The following ROR1 variants were observed in gnomAD, a reference collection of about 807,000 sequenced individuals.
ROR1 encodes ROR family WNT receptor 1.
ROR1 carries 19 observed loss-of-function variants against 78.8 expected under a neutral mutation model. The ratio of observed to expected loss-of-function variants is 0.24; its 90% CI spans 0.17 to 0.35. ROR1 has a LOEUF of 0.35. Ranked by LOEUF, ROR1 falls within the 10% of genes least tolerant of loss-of-function variation. The probability of loss-of-function intolerance (pLI) is 1.00; values close to 1 mark genes in which losing one functional copy is unlikely to be tolerated. For synonymous variants in ROR1, 386 were observed against 433.6 expected, an observed-to-expected ratio of 0.89 and a Z score of 1.36; for missense variants, 917 against 1,177.8, an observed-to-expected ratio of 0.78 and a Z score of 3.24.
chr1:64,154,502 A>G (rs544499379), intron 7 of ROR1, among the ~76,000 whole-genome samples: 5 of 152,318 alleles, frequency 3.3e-5, no homozygotes, highest in Admixed American at 2.6e-4. Flanking sequence ...TTTTAACTCA[A>G]AGTAATATCC....
intron 1 of ROR1, among the ~76,000 whole-genome samples, chr1:63,994,757 C>T (rs888650288): frequency 2.0e-5 from 3 of 152,204 alleles, no homozygotes; most frequent in Non-Finnish European, 4.4e-5. Flanking sequence ...AAATGGATGA[C>T]CACATTCCAT....
chr1:63,962,376 T>C (rs1452876786), intron 1 of ROR1, among the ~76,000 whole-genome samples: 1 of 152,244 alleles, frequency 6.6e-6, no homozygotes, highest in Non-Finnish European at 1.5e-5. Flanking sequence ...ATGAATGTTA[T>C]TACAATGTGC....
chr1:64,093,373 G>C (rs913488842), intron 4 of ROR1, among the ~76,000 whole-genome samples: 1 of 152,108 alleles, frequency 6.6e-6, no homozygotes, highest in African/African-American at 2.4e-5. Flanking sequence ...TCATGTTTTA[G>C]AGCAAGAAAG....
intron 1 of ROR1, among the ~76,000 whole-genome samples, chr1:63,817,217 T>C (rs529797514): frequency 6.6e-6 from 1 of 152,342 alleles, no homozygotes; most frequent in African/African-American, 2.4e-5. Context: ...AATGCTGCCC[T>C]GCCTGAGGTT....
At chr1:63,848,299 C>T (rs116090974) in intron 1 of ROR1, among the ~76,000 whole-genome samples, 4,678 of 152,270 alleles carry the variant, frequency 0.031, 155 homozygotes, top group Admixed American at 0.1. Flanking sequence ...AAGCATAACA[C>T]AAATGCTTTC....
chr1:63,861,931 A>G (rs1645184756), intron 1 of ROR1, among the ~76,000 whole-genome samples: 2 of 152,366 alleles, frequency 1.3e-5, no homozygotes, highest in South Asian at 4.1e-4. Flanking sequence ...TGTATTTGCT[A>G]AGATTTATTA....
rs952489592 is a variant in ROR1 at position 63,876,114 on chromosome 1, A to T, written c.91+101606A>T. ...AGTTAAATAGAGGAGTCCCTCGTTC[A>T]TTCTGTCTTTGGTATGCTTAGGATT... On this transcript the variant is annotated intron_variant, in intron 1 of 8. Coordinates refer to ENST00000371079, the MANE Select transcript of ROR1 (RefSeq NM_005012.4). 4.6e-5 allele frequency among the ~76,000 whole-genome samples: 7 copies of T among 152,244 alleles called. No homozygotes were observed. In the East Asian group the frequency reaches 1.2e-3, roughly 25 times the overall value.
intron 1 of ROR1, among the ~76,000 whole-genome samples, chr1:63,847,206 G>A (rs184669641): frequency 6.6e-6 from 1 of 152,292 alleles, no homozygotes; most frequent in Non-Finnish European, 1.5e-5. Context: ...GGTGTTGTGG[G>A]TTTCTAGAGG....
chr1:64,085,996 G>A (rs1647149718), intron 4 of ROR1, among the ~76,000 whole-genome samples: 1 of 152,186 alleles, frequency 6.6e-6, no homozygotes, highest in African/African-American at 2.4e-5. Context: ...TTATTCCCTG[G>A]ATGCCGTTAT....
At chr1:64,132,008 C>T (rs1648929126) in intron 4 of ROR1, among the ~76,000 whole-genome samples, 1 of 152,186 alleles carries the variant, frequency 6.6e-6, no homozygotes, top group Admixed American at 6.5e-5. Flanking sequence ...ACTTCCAAAA[C>T]ATTTTCATCA....
rs684509 is a variant in ROR1, at chr1:63,792,424, C to T, written c.91+17916C>T. Reference sequence around the variant, plus strand: ...GAACAAACCAAGCATCCAGATAATACGAAGAGGGAGCAGTTCTCATTTACA... The same window carrying T: ...GAACAAACCAAGCATCCAGATAATATGAAGAGGGAGCAGTTCTCATTTACA... On this transcript the variant is annotated intron_variant, in intron 1 of 8. Transcript: ENST00000371079. 7.8e-3 allele frequency among the ~76,000 whole-genome samples: 1,193 copies of T among 152,198 alleles called. 21 individuals carry two copies. Among genetic ancestry groups the T allele is most frequent in the African/African-American group, 0.026 (1,091 of 41,526 alleles).
rs1329244046 is a variant in ROR1, at chr1:64,014,758, A to ACATACGCACAC, written c.163+5382_163+5383insCATACGCACAC. 5.5e-4 allele frequency among the ~76,000 whole-genome samples: 22 copies of ACATACGCACAC among 40,184 alleles called. 2 individuals carry two copies. In the East Asian group the frequency reaches 0.018, roughly 33 times the overall value. The allele number at this position is 40,184 out of a possible 152,430, so 26.4% of individuals were successfully genotyped here. ...ACGCACACTATATATATATATATAT[A>ACATACGCACAC]TATATATATATATATACACATTTTG... is the stretch of plus-strand genomic sequence containing the variant. On this transcript the variant is annotated intron_variant, in intron 2 of 8. Transcript: ENST00000371079.
At chr1:63,928,129 C>T (rs1024358863) in intron 1 of ROR1, among the ~76,000 whole-genome samples, 2 of 152,178 alleles carry the variant, frequency 1.3e-5, no homozygotes, top group Non-Finnish European at 2.9e-5. Context: ...GGGAAATGCT[C>T]ATGAAATTGA....
intron 2 of ROR1, among the ~76,000 whole-genome samples, chr1:64,026,421 GT>G (rs1204375326): frequency 2.0e-5 from 3 of 152,194 alleles, no homozygotes; most frequent in African/African-American, 7.2e-5. Flanking sequence ...GCAGTTATGT[GT>G]GGTCATTTTA....
At chr1:63,845,617 A>C (rs1645075757) in intron 1 of ROR1, among the ~76,000 whole-genome samples, 1 of 152,122 alleles carries the variant, frequency 6.6e-6, no homozygotes, top group South Asian at 2.1e-4. Flanking sequence ...TTCCTGTTTC[A>C]ATCCTTGACC....
rs1448919390 is a variant in ROR1 at position 63,796,492 on chromosome 1, C to T, written c.91+21984C>T. Among the ~76,000 whole-genome samples the T allele has an allele frequency of 2.0e-5, 3 of 152,264 alleles. No homozygotes were observed. In the South Asian group the frequency reaches 6.2e-4, roughly 32 times the overall value. ...AGAACCATGGCTTTAAAGAACCATT[C>T]CTGCTCTAGTAATGTATTATTTTGT... On this transcript the variant is annotated intron_variant, in intron 1 of 8. Transcript: ENST00000371079.
rs563810898 is a variant in ROR1, at chr1:63,901,766, C to T, written c.92-107539C>T. On this transcript the variant is annotated intron_variant, in intron 1 of 8. Transcript: ENST00000371079. ...ATTCTGTATGGGTTATACATACTTC[C>T]TTCTATCATATATTAATGAATACAA... Among the ~76,000 whole-genome samples, 31 of 151,918 alleles carry T rather than the reference C, an allele frequency of 2.0e-4. 1 individual carries two copies. In the East Asian group the frequency reaches 5.2e-3, roughly 26 times the overall value.
intron 1 of ROR1, chr1:63,843,285 T>A: frequency 7.1e-7 from 1 of 1,417,694 alleles, no homozygotes. Context: ...GCAGTTTGTG[T>A]GTAATTCATG....
intron 4 of ROR1, among the ~76,000 whole-genome samples, chr1:64,125,684 T>G (rs1019014245): frequency 6.6e-6 from 1 of 152,106 alleles, no homozygotes; most frequent in South Asian, 2.1e-4. Context: ...GTTGCAGGGC[T>G]TATGGGGAGT....
Sources: gnomAD v4.1 joint callset for allele counts (sites outside exome capture counted in the v4.1 genomes callset) on GRCh38, gnomAD v4.1.1 for gene constraint, MANE v1.5 for transcripts, NCBI Gene and HGNC (gene_info 2026-07-23, HGNC 2026-07-21) for gene names.